CAMSAP1: variants seen among roughly 807,000 people sequenced by gnomAD.
CAMSAP1 encodes calmodulin-regulated spectrin-associated protein 1.
In CAMSAP1, 58 loss-of-function variants were observed where a neutral mutation model predicts 143.5. That is an observed-to-expected ratio of 0.40 (90% CI 0.33 to 0.50). The LOEUF is 0.50. CAMSAP1 is among the 20% of genes least tolerant of loss of function. The probability of loss-of-function intolerance (pLI) is 0.45; values close to 1 mark genes in which losing one functional copy is unlikely to be tolerated. For missense variants in CAMSAP1, 1,969 were observed against 2,115.7 expected (o/e 0.93, Z 1.36); for synonymous variants, 945 against 859.3 (o/e 1.10, Z -1.74).
chr9:135,875,502 C>A (rs992394291), intron 3 of CAMSAP1, among the ~76,000 whole-genome samples: 10 of 152,136 alleles, frequency 6.6e-5, no homozygotes, highest in African/African-American at 2.4e-4. Context: ...TGAGCCACCA[C>A]GCCCAGCCAA....
At chr9:135,855,748 TAAAAAAAA>T (rs34874470) in intron 5 of CAMSAP1, among the ~76,000 whole-genome samples, 1 of 84,694 alleles carries the variant, frequency 1.2e-5, no homozygotes, top group African/African-American at 4.6e-5. Context: ...CATCTCAATT[TAAAAAAAA>T]AAAAAAAAAA....
intron 1 of CAMSAP1, among the ~76,000 whole-genome samples, chr9:135,884,250 G>A (rs1184583422): frequency 6.6e-6 from 1 of 152,114 alleles, no homozygotes. Flanking sequence ...TAACACTAGA[G>A]ACATTCATGG....
intron 5 of CAMSAP1, among the ~76,000 whole-genome samples, chr9:135,853,763 C>G (rs547338598): frequency 6.6e-6 from 1 of 152,310 alleles, no homozygotes; most frequent in African/African-American, 2.4e-5. Flanking sequence ...TTGCCAGGCT[C>G]AGAGAACCCG....
At position 135,907,047 on chromosome 9, in the gene CAMSAP1, T is replaced by G; in HGVS notation, c.113A>C (p.Lys38Thr). The G allele has an allele frequency of 8.3e-7, 1 of 1,202,554 alleles. No individual in the cohort carries two copies. The highest frequency in any genetic ancestry group is 1.0e-6 in the Non-Finnish European group (1 of 956,552). The allele number at this position is 1,202,554 out of a possible 1,614,324, so 74.5% of individuals were successfully genotyped here. A position where few individuals can be genotyped will look rare whatever the true frequency, so the allele number is the denominator to read the frequency against. The change falls in exon 1 of 17, where the codon AAG becomes ACG. Residue 38 changes from lysine (K) to threonine (T), a missense_variant. Physicochemically the swap from Lys to Thr is moderately conservative, Grantham distance 78. Coordinates refer to ENST00000389532, the MANE Select transcript of CAMSAP1 (RefSeq NM_015447.4). ...PLDRYDAARA[K>T]IAANLQWICA... is the part of the protein sequence containing the mutation. ...GATCCACTGCAGGTTGGCGGCGATC[T>G]TGGCGCGCGCCGCGTCGTAGCGGTC... is the stretch of plus-strand genomic sequence containing the variant.
intron 1 of CAMSAP1, among the ~76,000 whole-genome samples, chr9:135,898,166 G>A (rs148907423): frequency 6.6e-6 from 1 of 152,284 alleles, no homozygotes; most frequent in East Asian, 1.9e-4. Context: ...GACAGGTGTG[G>A]CTAGAAAAGG....
intron 3 of CAMSAP1, among the ~76,000 whole-genome samples, chr9:135,869,457 C>A (rs549359744): frequency 6.6e-6 from 1 of 151,422 alleles, no homozygotes; most frequent in South Asian, 2.1e-4. Flanking sequence ...GAGCCACGAC[C>A]GCACCACTGC....
rs759581729 is a variant in CAMSAP1, at chr9:135,821,679, G to A, written c.2982C>T (p.His994=). The A allele has an allele frequency of 2.2e-5, 35 of 1,613,870 alleles. 1 individual carries two copies. The highest frequency in any genetic ancestry group is 6.7e-5 in the Admixed American group (4 of 60,000). ...QHKAKDPVAL[H]ELERNKVISA... is the part of the protein sequence containing the mutation. ...AGATCACCTTATTTCTCTCCAGCTC[G>A]TGCAGAGCCACAGGGTCTTTTGCTT... Residue 994 remains histidine, a synonymous_variant, in exon 11 of 17, where the codon CAC becomes CAT. Transcript: ENST00000389532. This position sits in a 1 kb window ranked among gnomAD's most constrained non-coding sequence, Gnocchi z 4.6.
intron 1 of CAMSAP1, among the ~76,000 whole-genome samples, chr9:135,888,720 G>C (rs1838202728): frequency 1.3e-5 from 2 of 152,204 alleles, no homozygotes; most frequent in Non-Finnish European, 2.9e-5. Flanking sequence ...TTGGATATAA[G>C]GAGTCAACGG....
At chr9:135,867,004 T>C (rs990213408) in intron 3 of CAMSAP1, among the ~76,000 whole-genome samples, 1 of 152,228 alleles carries the variant, frequency 6.6e-6, no homozygotes, top group Non-Finnish European at 1.5e-5. Flanking sequence ...AGTTTAACTA[T>C]ACACCCCTTA....
chr9:135,827,666 C>G, intron 7 of CAMSAP1, 82 bp from the exon 8 acceptor site: 1 of 1,282,508 alleles, frequency 7.8e-7, no homozygotes, highest in East Asian at 2.6e-5. Context: ...TTTATAAGCA[C>G]TAACTCAACC....
intron 7 of CAMSAP1, among the ~76,000 whole-genome samples, chr9:135,842,802 G>A (rs1051876905): frequency 6.6e-6 from 1 of 152,310 alleles, no homozygotes; most frequent in Non-Finnish European, 1.5e-5. Context: ...GAGAGATTTT[G>A]TCACCACCAG....
chr9:135,837,920 C>T (rs1334639914), intron 7 of CAMSAP1, among the ~76,000 whole-genome samples: 1 of 150,290 alleles, frequency 6.7e-6, no homozygotes, highest in East Asian at 2.0e-4. Context: ...CACGCACTTT[C>T]CACCTGTTCT....
intron 1 of CAMSAP1, among the ~76,000 whole-genome samples, chr9:135,897,605 C>G (rs1838494846): frequency 6.6e-6 from 1 of 152,168 alleles, no homozygotes; most frequent in South Asian, 2.1e-4. Flanking sequence ...ATAGGTCAGA[C>G]AGAGAACTAT....
At chr9:135,885,154 A>G (rs930400565) in intron 1 of CAMSAP1, among the ~76,000 whole-genome samples, 2 of 152,114 alleles carry the variant, frequency 1.3e-5, no homozygotes, top group Non-Finnish European at 2.9e-5. Context: ...CTCCTAGGCC[A>G]GCTGCCCCTC....
chr9:135,809,086 T>G lies in CAMSAP1; in HGVS notation c.*2223A>C, dbSNP rs1000984115. 2 of 152,178 alleles carry G rather than the reference T, an allele frequency of 1.3e-5. No individual in the cohort carries two copies. The highest frequency in any genetic ancestry group is 4.8e-5 in the African/African-American group (2 of 41,444). 9.4% of individuals were successfully genotyped at this position (152,178 alleles called of 1,614,324 possible). A position where few individuals can be genotyped will look rare whatever the true frequency, so the allele number is the denominator to read the frequency against. The stretch of plus-strand genomic sequence containing the variant: ...AGAGTTATAAGTCAGTGTTATCAAC[T>G]GCAAAATCATGACTTTACCACCACC... On this transcript the variant is annotated 3_prime_UTR_variant, in exon 17 of 17. Coordinates refer to ENST00000389532, the MANE Select transcript of CAMSAP1 (RefSeq NM_015447.4).
In CAMSAP1 at chr9:135,810,737, T is replaced by C. The variant is rs532308649; in HGVS notation, c.*572A>G. The C allele has an allele frequency of 1.3e-5, 2 of 152,852 alleles. No individual in the cohort carries two copies. Among genetic ancestry groups the C allele is most frequent in the East Asian group, 3.9e-4 (2 of 5,178 alleles). 9.5% of individuals were successfully genotyped at this position (152,852 alleles called of 1,614,324 possible). A position where few individuals can be genotyped will look rare whatever the true frequency, so the allele number is the denominator to read the frequency against. On this transcript the variant is annotated 3_prime_UTR_variant, in exon 17 of 17. Coordinates refer to ENST00000389532, the MANE Select transcript of CAMSAP1 (RefSeq NM_015447.4). ...GAAATCTTAGAATTGGATATAAATGTTGGCAGTAGACACAACCAATAAATA... is the reference window on the plus strand; with the variant it reads ...GAAATCTTAGAATTGGATATAAATGCTGGCAGTAGACACAACCAATAAATA...
At chr9:135,846,504 G>T (rs1379749014) in intron 7 of CAMSAP1, among the ~76,000 whole-genome samples, 1 of 151,980 alleles carries the variant, frequency 6.6e-6, no homozygotes, top group Non-Finnish European at 1.5e-5. Flanking sequence ...CAAAAGCAAT[G>T]GCAACAAAAG....
In CAMSAP1 at chr9:135,818,662, T is replaced by C; in HGVS notation, c.3960-46A>G. The C allele has an allele frequency of 1.3e-6, 2 of 1,594,838 alleles. No individual in the cohort carries two copies. Among genetic ancestry groups the C allele is most frequent in the Non-Finnish European group, 1.7e-6 (2 of 1,168,824 alleles). On this transcript the variant is annotated intron_variant, in intron 12 of 16. Transcript: ENST00000389532. The surrounding 1 kb of genome is among the most constrained non-coding windows in gnomAD (Gnocchi z 7.7). The stretch of plus-strand genomic sequence containing the variant: ...GACACTGCTCGGTCACGGGGCTTCT[T>C]CCACGACGCCTGCGCCGCGGCGCTC...
chr9:135,866,740 C>T (rs1214094539), intron 3 of CAMSAP1, among the ~76,000 whole-genome samples: 1 of 152,150 alleles, frequency 6.6e-6, no homozygotes, highest in African/African-American at 2.4e-5. Flanking sequence ...ACCAGGAAAC[C>T]ACCTGCCCCC....
Sources: gnomAD v4.1 joint callset for allele counts (sites outside exome capture counted in the v4.1 genomes callset) on GRCh38, gnomAD v4.1.1 for gene constraint, Gnocchi (gnomAD v3.1) non-coding constraint, MANE v1.5 for transcripts, NCBI Gene and HGNC (gene_info 2026-07-23, HGNC 2026-07-21) for gene names.